GUCY1A2: variants seen among roughly 807,000 people sequenced by gnomAD.
GUCY1A2 encodes guanylate cyclase 1 soluble subunit alpha 2.
GUCY1A2 carries 27 observed loss-of-function variants against 63.5 expected under a neutral mutation model. The observed-to-expected ratio is 0.43, with a 90% CI of 0.31 to 0.59. GUCY1A2 has a LOEUF of 0.59. Ranked by LOEUF, GUCY1A2 falls within the 20% of genes least tolerant of loss-of-function variation. The pLI is 0.11. For synonymous variants in GUCY1A2, 364 were observed against 343.5 expected (o/e 1.06, Z -0.66); for missense variants, 768 against 913.3 (o/e 0.84, Z 2.05).
chr11:106,720,525 CT>C (rs1020997863), intron 6 of GUCY1A2, among the ~76,000 whole-genome samples: 8 of 151,904 alleles, frequency 5.3e-5, no homozygotes, highest in African/African-American at 7.2e-5. Flanking sequence ...TTTCTTAACC[CT>C]TTTTTTTCAT....
chr11:106,881,044 T>C (rs1404211089), intron 4 of GUCY1A2, among the ~76,000 whole-genome samples: 2 of 152,116 alleles, frequency 1.3e-5, no homozygotes, highest in African/African-American at 2.4e-5. Context: ...AATTAAATTA[T>C]CTCTGAGGTT....
intron 5 of GUCY1A2, among the ~76,000 whole-genome samples, chr11:106,785,896 C>G (rs1230924569): frequency 6.8e-6 from 1 of 146,904 alleles, no homozygotes; most frequent in Non-Finnish European, 1.5e-5. Flanking sequence ...TTTTAAAGAG[C>G]AGTGGCTTTC....
rs537227554 is a variant in GUCY1A2, at chr11:106,935,323, C to T, written c.1206+4137G>A. On this transcript the variant is annotated intron_variant, in intron 4 of 7. Transcript: ENST00000526355. ...TAATAGCAGTAGAAGTAATAATGAA[C>T]ATTTATGCAGTGCTTATCCCTGGGG... Among the ~76,000 whole-genome samples the T allele has an allele frequency of 4.6e-5, 7 of 152,252 alleles. No individual in the cohort carries two copies. In the South Asian group the frequency reaches 1.0e-3, roughly 23 times the overall value.
intron 2 of GUCY1A2, among the ~76,000 whole-genome samples, chr11:106,984,316 G>A (rs1179818864): frequency 6.6e-6 from 1 of 152,168 alleles, no homozygotes; most frequent in Non-Finnish European, 1.5e-5. Context: ...TTTATACTGT[G>A]TATGCAATAA....
At chr11:106,868,641 T>C (rs1859629216) in intron 4 of GUCY1A2, among the ~76,000 whole-genome samples, 1 of 152,144 alleles carries the variant, frequency 6.6e-6, no homozygotes, top group Non-Finnish European at 1.5e-5. Flanking sequence ...TCCATGCTCA[T>C]GGATAGGAAG....
chr11:106,739,896 A>G (rs1266435066), intron 6 of GUCY1A2, among the ~76,000 whole-genome samples: 5 of 152,112 alleles, frequency 3.3e-5, no homozygotes, highest in African/African-American at 9.7e-5. Flanking sequence ...CAGTAGCTAA[A>G]ACCAGAGTTT....
intron 4 of GUCY1A2, among the ~76,000 whole-genome samples, chr11:106,820,530 C>T (rs1858887835): frequency 6.6e-6 from 1 of 152,158 alleles, no homozygotes; most frequent in East Asian, 1.9e-4. Context: ...TCCTGAGTAG[C>T]TGAAACTACA....
chr11:106,841,988 A>G (rs1386692908), intron 4 of GUCY1A2, among the ~76,000 whole-genome samples: 2 of 151,760 alleles, frequency 1.3e-5, no homozygotes, highest in African/African-American at 4.8e-5. Context: ...ACTTTTCTGT[A>G]CTGCATCAAA....
chr11:106,797,575 C>T (rs1864789788), intron 5 of GUCY1A2, among the ~76,000 whole-genome samples: 1 of 152,146 alleles, frequency 6.6e-6, no homozygotes, highest in South Asian at 2.1e-4. Flanking sequence ...GTCTCTCAGA[C>T]CACAGTGTAA....
At chr11:106,803,787 A>C (rs761358032) in intron 5 of GUCY1A2, among the ~76,000 whole-genome samples, 1 of 152,190 alleles carries the variant, frequency 6.6e-6, no homozygotes, top group Non-Finnish European at 1.5e-5. Context: ...CAACTAGTGC[A>C]CTCAAGATAG....
intron 7 of GUCY1A2, among the ~76,000 whole-genome samples, chr11:106,696,168 T>TA (rs1862715728): frequency 6.6e-6 from 1 of 152,210 alleles, no homozygotes; most frequent in Admixed American, 6.5e-5. Flanking sequence ...GCTAAATAAC[T>TA]AAAGATCATT....
At chr11:107,007,438 C>G (rs1289298653) in intron 1 of GUCY1A2, among the ~76,000 whole-genome samples, 1 of 152,178 alleles carries the variant, frequency 6.6e-6, no homozygotes, top group Non-Finnish European at 1.5e-5. Context: ...GACATTCACT[C>G]ATTATTCCTG....
intron 1 of GUCY1A2, among the ~76,000 whole-genome samples, chr11:107,013,988 G>T (rs1185156119): frequency 6.6e-6 from 1 of 151,344 alleles, no homozygotes; most frequent in Non-Finnish European, 1.5e-5. Flanking sequence ...TAAATAATTG[G>T]GTGGATTAAA....
intron 5 of GUCY1A2, among the ~76,000 whole-genome samples, chr11:106,777,142 A>T (rs973088249): frequency 6.6e-6 from 1 of 152,090 alleles, no homozygotes; most frequent in African/African-American, 2.4e-5. Flanking sequence ...ATCTTCACAA[A>T]TATCCTACAT....
intron 4 of GUCY1A2, among the ~76,000 whole-genome samples, chr11:106,891,788 T>C (rs1859978469): frequency 6.6e-6 from 1 of 152,140 alleles, no homozygotes; most frequent in African/African-American, 2.4e-5. Flanking sequence ...GCCAATACCA[T>C]ACTGTGTTAT....
chr11:106,964,722 G>A (rs530655948), intron 3 of GUCY1A2, among the ~76,000 whole-genome samples: 2 of 152,330 alleles, frequency 1.3e-5, no homozygotes, highest in East Asian at 1.9e-4. Context: ...CCTCATGCCT[G>A]TAATCCCAGC....
chr11:106,769,642 C>A (rs1864221405), intron 6 of GUCY1A2, among the ~76,000 whole-genome samples: 1 of 152,048 alleles, frequency 6.6e-6, no homozygotes, highest in African/African-American at 2.4e-5. Flanking sequence ...TCCTAAGTTT[C>A]ACCAGTAACA....
intron 4 of GUCY1A2, among the ~76,000 whole-genome samples, chr11:106,907,010 A>C: frequency 6.6e-6 from 1 of 152,172 alleles, no homozygotes. Context: ...GGTGCAGCAA[A>C]CCACCATGGC....
In GUCY1A2 at chr11:106,723,255, G is replaced by C. The variant is rs1045269817; in HGVS notation, c.1837-14589C>G. ...GTTTTCTCAACCCTTCATCTAGCTGGATAGTTTCTCACTTTTCAGACCACA... is the reference window on the plus strand; with the variant it reads ...GTTTTCTCAACCCTTCATCTAGCTGCATAGTTTCTCACTTTTCAGACCACA... On this transcript the variant is annotated intron_variant, in intron 6 of 7. Coordinates refer to ENST00000526355, the MANE Select transcript of GUCY1A2 (RefSeq NM_000855.3). Among the ~76,000 whole-genome samples, 3 of 152,264 alleles carry C rather than the reference G, an allele frequency of 2.0e-5. No homozygotes were observed. The East Asian group carries it at 5.8e-4, about 29-fold the overall frequency.
Sources: gnomAD v4.1 joint callset for allele counts (sites outside exome capture counted in the v4.1 genomes callset) on GRCh38, gnomAD v4.1.1 for gene constraint, MANE v1.5 for transcripts, NCBI Gene and HGNC (gene_info 2026-07-23, HGNC 2026-07-21) for gene names.